The following ROBO2 variants were observed in gnomAD, a reference collection of about 807,000 sequenced individuals.
ROBO2 encodes roundabout guidance receptor 2.
ROBO2 carries 53 observed loss-of-function variants against 160.8 expected under a neutral mutation model. That is an observed-to-expected ratio of 0.33 (90% CI 0.26 to 0.41). The LOEUF is 0.41. Ranked by LOEUF, ROBO2 falls within the 10% of genes least tolerant of loss-of-function variation. The probability of loss-of-function intolerance (pLI) is 1.00; values close to 1 mark genes in which losing one functional copy is unlikely to be tolerated. For missense variants in ROBO2, 1,577 were observed against 1,722.4 expected (o/e 0.92, Z 1.49); for synonymous variants, 664 against 611.7 (o/e 1.09, Z -1.26).
intron 1 of ROBO2, among the ~76,000 whole-genome samples, chr3:77,080,848 G>T (rs2068579307): frequency 6.6e-6 from 1 of 152,138 alleles, no homozygotes; most frequent in Non-Finnish European, 1.5e-5. Flanking sequence ...TATTGCTTAA[G>T]CATTATTCCA....
intron 2 of ROBO2, among the ~76,000 whole-genome samples, chr3:76,747,148 A>G (rs1254227452): frequency 1.3e-5 from 2 of 152,140 alleles, no homozygotes; most frequent in African/African-American, 2.4e-5. Context: ...AAAATACTCA[A>G]ATACATATGT....
At chr3:77,530,999 AT>A (rs2091680530) in intron 6 of ROBO2, among the ~76,000 whole-genome samples, 1 of 151,794 alleles carries the variant, frequency 6.6e-6, no homozygotes, top group East Asian at 2.0e-4. Flanking sequence ...TGGGCACCAC[AT>A]TTTTTCCCAG....
At chr3:77,096,921 C>A (rs1331377386) in intron 1 of ROBO2, among the ~76,000 whole-genome samples, 1 of 152,162 alleles carries the variant, frequency 6.6e-6, no homozygotes, top group African/African-American at 2.4e-5. Flanking sequence ...CATCATTTCC[C>A]AAAGTCAGGT....
chr3:76,952,350 T>A (rs1194238677), intron 2 of ROBO2, among the ~76,000 whole-genome samples: 1 of 152,324 alleles, frequency 6.6e-6, no homozygotes, highest in South Asian at 2.1e-4. Context: ...TGGCACGATC[T>A]TGGCTCACCA....
chr3:77,302,836 G>A (rs1455201409), intron 2 of ROBO2, among the ~76,000 whole-genome samples: 1 of 152,092 alleles, frequency 6.6e-6, no homozygotes, highest in Non-Finnish European at 1.5e-5. Context: ...AAATGGCCGA[G>A]GAAATTTCAT....
intron 2 of ROBO2, among the ~76,000 whole-genome samples, chr3:76,500,679 C>T (rs1172470601): frequency 6.6e-6 from 1 of 152,160 alleles, no homozygotes; most frequent in Non-Finnish European, 1.5e-5. Flanking sequence ...AAGCTCTCCA[C>T]ATTACTCAAA....
chr3:76,059,564 G>C (rs530321365), intron 2 of ROBO2, among the ~76,000 whole-genome samples: 1 of 152,102 alleles, frequency 6.6e-6, no homozygotes, highest in Non-Finnish European at 1.5e-5. Context: ...TTTGTCAGAT[G>C]AGTAGGTAGC....
chr3:75,926,185 C>T (rs1318487786), intron 1 of ROBO2, among the ~76,000 whole-genome samples: 2 of 152,090 alleles, frequency 1.3e-5, no homozygotes, highest in Non-Finnish European at 2.9e-5. Flanking sequence ...AAATAAAATT[C>T]TCAAAAGTTC....
chr3:76,423,248 C>T (rs934875184), intron 2 of ROBO2, among the ~76,000 whole-genome samples: 2 of 152,172 alleles, frequency 1.3e-5, no homozygotes, highest in Admixed American at 1.3e-4. Context: ...ATAAGGAAGA[C>T]ACAGAACTGC....
chr3:76,246,468 G>T (rs1054965955), intron 2 of ROBO2, among the ~76,000 whole-genome samples: 6 of 152,070 alleles, frequency 3.9e-5, no homozygotes, highest in Admixed American at 1.3e-4. Context: ...AGCATTTTCT[G>T]GTTTACAACT....
In ROBO2 at chr3:75,937,841, TTATATATATATATA is replaced by T. The variant is rs1158457510; in HGVS notation, c.109+259_109+272del. Among the ~76,000 whole-genome samples the T allele has an allele frequency of 2.6e-4, 27 of 105,526 alleles. 1 individual carries two copies. The highest frequency in any genetic ancestry group is 1.8e-3 in the Admixed American group (18 of 10,192). 69.2% of individuals were successfully genotyped at this position (105,526 alleles called of 152,430 possible). A position where few individuals can be genotyped will look rare whatever the true frequency, so the allele number is the denominator to read the frequency against. On this transcript the variant is annotated intron_variant, in intron 2 of 26. Transcript: ENST00000487694. ...TGGCTTTTATCTGTTGGAATTGATT[TTATATATATATATA>T]TATATATATATATATATATGAGGTA...
At chr3:77,270,774 C>T (rs532948983) in intron 2 of ROBO2, among the ~76,000 whole-genome samples, 8 of 152,158 alleles carry the variant, frequency 5.3e-5, no homozygotes, top group African/African-American at 1.7e-4. Flanking sequence ...GAAACCCCGT[C>T]TCTACTAAAA....
chr3:76,802,598 G>A (rs1300014288), intron 2 of ROBO2, among the ~76,000 whole-genome samples: 5 of 151,754 alleles, frequency 3.3e-5, no homozygotes, highest in Admixed American at 6.6e-5. Context: ...GCGTGGTGGC[G>A]GCACCTGTAG....
At chr3:76,647,182 A>G (rs752402942) in intron 2 of ROBO2, among the ~76,000 whole-genome samples, 8 of 152,162 alleles carry the variant, frequency 5.3e-5, no homozygotes, top group Non-Finnish European at 1.2e-4. Context: ...TGGGTGAGCT[A>G]CAAGTCTGGG....
At chr3:76,630,324 T>G (rs912118916) in intron 2 of ROBO2, among the ~76,000 whole-genome samples, 2 of 145,006 alleles carry the variant, frequency 1.4e-5, no homozygotes, top group Non-Finnish European at 2.9e-5. Flanking sequence ...CCTGAGCTTG[T>G]GCCCTGAGAT....
chr3:76,759,757 T>C (rs1294950504), intron 2 of ROBO2, among the ~76,000 whole-genome samples: 3 of 151,802 alleles, frequency 2.0e-5, no homozygotes, highest in Non-Finnish European at 4.4e-5. Flanking sequence ...TTCTAGTTGA[T>C]CTTTGTGGTA....
At chr3:77,180,200 A>T (rs1177274372) in intron 2 of ROBO2, among the ~76,000 whole-genome samples, 2 of 152,018 alleles carry the variant, frequency 1.3e-5, no homozygotes, top group Non-Finnish European at 2.9e-5. Flanking sequence ...GAAATAGAAC[A>T]GGGAAGCACA....
intron 2 of ROBO2, among the ~76,000 whole-genome samples, chr3:76,297,930 A>G (rs1229248091): frequency 6.6e-6 from 1 of 152,186 alleles, no homozygotes; most frequent in East Asian, 1.9e-4. Flanking sequence ...AGGGGTGGCC[A>G]CATGGATTGG....
At chr3:77,199,484 A>G (rs2082613485) in intron 2 of ROBO2, among the ~76,000 whole-genome samples, 1 of 152,142 alleles carries the variant, frequency 6.6e-6, no homozygotes, top group Non-Finnish European at 1.5e-5. Context: ...AGGCAAGTTC[A>G]GCTGTTTTTA....
Sources: gnomAD v4.1 joint callset for allele counts (sites outside exome capture counted in the v4.1 genomes callset) on GRCh38, gnomAD v4.1.1 for gene constraint, MANE v1.5 for transcripts, NCBI Gene and HGNC (gene_info 2026-07-23, HGNC 2026-07-21) for gene names.